FBXO16: variants seen among roughly 807,000 people sequenced by gnomAD.
FBXO16 encodes the protein F-box only protein 16.
FBXO16 carries 31 observed loss-of-function variants against 41.0 expected under a neutral mutation model. The ratio of observed to expected loss-of-function variants is 0.76; its 90% confidence interval spans 0.57 to 1.02. The LOEUF (loss-of-function observed/expected upper bound fraction) is 1.02. FBXO16 is among the 50% of genes least tolerant of loss of function. The pLI is 0.00. For synonymous variants in FBXO16, 133 were observed against 117.8 expected, an observed-to-expected ratio of 1.13 and a Z score of -0.84; for missense variants, 361 against 346.2, an observed-to-expected ratio of 1.04 and a Z score of -0.34.
At chr8:28,435,617 G>A (rs943524736) in intron 7 of FBXO16, among the ~76,000 whole-genome samples, 18 of 152,154 alleles carry the variant, frequency 1.2e-4, no homozygotes, top group Non-Finnish European at 2.5e-4. Context: ...ACTCAGAATG[G>A]GGAGTGCATG....
chr8:28,432,700 G>A (rs1585887873), intron 7 of FBXO16, among the ~76,000 whole-genome samples: 1 of 152,264 alleles, frequency 6.6e-6, no homozygotes. Context: ...TTTCTGGTAG[G>A]TGGACGTTGC....
At chr8:28,439,962 T>A (rs1219318616) in intron 7 of FBXO16, among the ~76,000 whole-genome samples, 1 of 120,168 alleles carries the variant, frequency 8.3e-6, no homozygotes, top group African/African-American at 3.5e-5. Flanking sequence ...TTAGGATTCA[T>A]GAATGTAACG....
intron 3 of FBXO16, among the ~76,000 whole-genome samples, chr8:28,468,812 C>T (rs1390798811): frequency 1.3e-5 from 2 of 151,120 alleles, no homozygotes; most frequent in African/African-American, 4.9e-5. Flanking sequence ...CACGCCACTG[C>T]ACTCAAGCCT....
intron 7 of FBXO16, among the ~76,000 whole-genome samples, chr8:28,444,879 C>T (rs1388361259): frequency 1.3e-5 from 2 of 149,690 alleles, no homozygotes; most frequent in East Asian, 2.0e-4. Context: ...GATCCACCCA[C>T]CTCGGCCTCC....
chr8:28,437,847 T>C (rs2130087387), intron 7 of FBXO16, among the ~76,000 whole-genome samples: 1 of 152,134 alleles, frequency 6.6e-6, no homozygotes, highest in Middle Eastern at 3.4e-3. Flanking sequence ...CAGTCCAGAA[T>C]GGGCAACAGA....
At chr8:28,466,700 C>G (rs1046109951) in intron 3 of FBXO16, among the ~76,000 whole-genome samples, 2 of 151,090 alleles carry the variant, frequency 1.3e-5, no homozygotes, top group Non-Finnish European at 2.9e-5. Context: ...GAGGCTGAAG[C>G]AGAAGAATGG....
rs145662268 is a variant in FBXO16, at chr8:28,479,116, T to C, written c.99+4232A>G. On this transcript the variant is annotated intron_variant, in intron 2 of 8. Coordinates refer to ENST00000380254, the MANE Select transcript of FBXO16 (RefSeq NM_172366.4). ...ATGCCATTATGTTTCCTGCACAGCC[T>C]GCAGAACTGTGAGCCAATTAAACCT... Among the ~76,000 whole-genome samples the C allele has an allele frequency of 3.2e-3, 482 of 152,298 alleles. 1 individual carries two copies. The highest frequency in any genetic ancestry group is 0.011 in the African/African-American group (463 of 41,566).
intron 3 of FBXO16, among the ~76,000 whole-genome samples, chr8:28,471,502 CACAA>C (rs1057429563): frequency 7.2e-5 from 11 of 151,782 alleles, no homozygotes; most frequent in East Asian, 1.9e-4. Context: ...CCATGAAACA[CACAA>C]ACAAAGAAAA....
intron 1 of FBXO16, among the ~76,000 whole-genome samples, chr8:28,489,369 A>G (rs1363376349): frequency 6.6e-6 from 1 of 151,796 alleles, no homozygotes; most frequent in Non-Finnish European, 1.5e-5. Flanking sequence ...CAACACCACC[A>G]CCACCACAAT....
chr8:28,448,974 T>C (rs563924388), intron 6 of FBXO16: 1 of 152,328 alleles, frequency 6.6e-6, no homozygotes, highest in South Asian at 2.1e-4. Context: ...CCTGATGTAA[T>C]GGATCTAGGC....
At chr8:28,463,963 T>A in intron 3 of FBXO16, 145 bp from the exon 4 acceptor site, 1 of 786,650 alleles carries the variant, frequency 1.3e-6, no homozygotes, top group Admixed American at 2.8e-5. Context: ...GCAAATTCCA[T>A]GCTTTGCCAC....
intron 7 of FBXO16, among the ~76,000 whole-genome samples, chr8:28,439,811 A>G (rs1802739613): frequency 6.6e-6 from 1 of 151,930 alleles, no homozygotes; most frequent in South Asian, 2.1e-4. Flanking sequence ...TCAGAATTTG[A>G]TAAGAAGTAT....
At chr8:28,436,375 G>A (rs569537074) in intron 7 of FBXO16, among the ~76,000 whole-genome samples, 1 of 152,310 alleles carries the variant, frequency 6.6e-6, no homozygotes, top group Non-Finnish European at 1.5e-5. Flanking sequence ...CCCCGCTTAT[G>A]CTTCTGGCGG....
intron 7 of FBXO16, among the ~76,000 whole-genome samples, chr8:28,441,988 G>A (rs1171273656): frequency 7.0e-6 from 1 of 142,134 alleles, no homozygotes; most frequent in Non-Finnish European, 1.5e-5. Flanking sequence ...CTGTCACCCA[G>A]GCTGGAGTGC....
intron 4 of FBXO16, among the ~76,000 whole-genome samples, chr8:28,462,235 C>T (rs1406332955): frequency 5.3e-5 from 8 of 151,804 alleles, no homozygotes; most frequent in East Asian, 1.9e-4. Flanking sequence ...CCACCACACC[C>T]GGACCCATCT....
At chr8:28,453,625 A>G (rs1477326906) in intron 5 of FBXO16, among the ~76,000 whole-genome samples, 2 of 151,884 alleles carry the variant, frequency 1.3e-5, no homozygotes, top group Admixed American at 6.6e-5. Context: ...TGCTTGGTAA[A>G]TCAGTTTGCT....
At chr8:28,463,586 A>G in intron 4 of FBXO16, 26 bp downstream of exon 4, 1 of 1,610,496 alleles carries the variant, frequency 6.2e-7, no homozygotes, top group East Asian at 2.2e-5. Context: ...CTCACAAAAC[A>G]CCACATACCC....
chr8:28,489,967 G>A (rs1485031220), intron 1 of FBXO16, among the ~76,000 whole-genome samples: 1 of 152,176 alleles, frequency 6.6e-6, no homozygotes, highest in Non-Finnish European at 1.5e-5. Context: ...TTTTTAAAAA[G>A]CAAGAACTAT....
chr8:28,483,671 TAAACAAACAAAC>T (rs201711911), intron 1 of FBXO16, among the ~76,000 whole-genome samples: 1 of 148,010 alleles, frequency 6.8e-6, no homozygotes, highest in Non-Finnish European at 1.5e-5. Context: ...ATAAATGTAA[TAAACAAACAAAC>T]AAACAAACAA....
Sources: allele counts gnomAD v4.1 joint callset (sites outside exome capture counted in the v4.1 genomes callset), GRCh38; gene constraint gnomAD v4.1.1; transcripts MANE v1.5; gene names NCBI Gene and HGNC (gene_info 2026-07-23, HGNC 2026-07-21).